TMEM114: variants seen among roughly 807,000 people sequenced by gnomAD.
TMEM114 encodes the protein transmembrane protein 114.
TMEM114 carries 6 observed loss-of-function variants against 6.2 expected under a neutral mutation model. The ratio of observed to expected loss-of-function variants is 0.97; its 90% CI spans 0.53 to 1.91. The LOEUF (loss-of-function observed/expected upper bound fraction) is 1.91. Among genes scored for constraint, TMEM114 ranks in the 40% most tolerant of loss-of-function variants. TMEM114 has a pLI of 0.01. For synonymous variants in TMEM114, 104 were observed against 73.0 expected (o/e 1.42, Z -2.16); for missense variants, 218 against 158.3 (o/e 1.38, Z -2.02).
At chr16:8,582,600 G>A (rs1902187883) in intron 2 of TMEM114, among the ~76,000 whole-genome samples, 2 of 152,188 alleles carry the variant, frequency 1.3e-5, no homozygotes, top group South Asian at 4.1e-4. Flanking sequence ...GAAACAAACT[G>A]CTGAGTAGGC....
At chr16:8,547,048 G>C (rs1465590256) in intron 2 of TMEM114, among the ~76,000 whole-genome samples, 1 of 152,200 alleles carries the variant, frequency 6.6e-6, no homozygotes, top group Non-Finnish European at 1.5e-5. Flanking sequence ...TGTTTATCCA[G>C]TCTGCATATA....
At chr16:8,560,566 G>C (rs1202657888) in intron 2 of TMEM114, among the ~76,000 whole-genome samples, 3 of 152,188 alleles carry the variant, frequency 2.0e-5, no homozygotes, top group East Asian at 1.9e-4. Context: ...GGAAGAAAGG[G>C]AGGGAGGTAG....
intron 2 of TMEM114, among the ~76,000 whole-genome samples, chr16:8,575,203 A>G (rs1397716157): frequency 6.6e-6 from 1 of 152,218 alleles, no homozygotes. Flanking sequence ...ACTTTGGACA[A>G]ATGACTGGAC....
intron 2 of TMEM114, among the ~76,000 whole-genome samples, chr16:8,540,999 G>A (rs772639969): frequency 6.6e-6 from 1 of 152,134 alleles, no homozygotes; most frequent in Non-Finnish European, 1.5e-5. Flanking sequence ...GTCCAGAGTT[G>A]CCAGAGAGAG....
chr16:8,526,623 T>C, the TMEM114 span: 5 of 152,418 alleles, frequency 3.3e-5, no homozygotes, highest in South Asian at 2.0e-4. Flanking sequence ...TCCGCCATGA[T>C]TGTAAGTTTC....
downstream of TMEM114, among the ~76,000 whole-genome samples, chr16:8,566,717 C>T (rs2141678549): frequency 6.6e-6 from 1 of 152,288 alleles, no homozygotes; most frequent in Middle Eastern, 3.4e-3. Context: ...CCCTCTAACA[C>T]AGAAGCTTCT....
At chr16:8,565,266 T>C (rs144712590), downstream of TMEM114, among the ~76,000 whole-genome samples, 871 of 152,290 alleles carry the variant, frequency 5.7e-3, 4 homozygotes, top group Middle Eastern at 0.017. Context: ...AGTGAACTTA[T>C]GAATGAACAA....
chr16:8,563,755 A>C (rs1488176815), intron 2 of TMEM114, among the ~76,000 whole-genome samples: 1 of 117,506 alleles, frequency 8.5e-6, no homozygotes, highest in Admixed American at 8.5e-5. Flanking sequence ...GTCAGTGAAT[A>C]AGTGAGGGAA....
the TMEM114 span, among the ~76,000 whole-genome samples, chr16:8,531,738 C>T: frequency 1.3e-5 from 2 of 152,192 alleles, no homozygotes; most frequent in African/African-American, 2.4e-5. Flanking sequence ...GTTGAATAGT[C>T]TGTGGAATCC....
intron 2 of TMEM114, among the ~76,000 whole-genome samples, chr16:8,577,259 T>C (rs925003570): frequency 6.6e-6 from 1 of 152,224 alleles, no homozygotes; most frequent in African/African-American, 2.4e-5. Flanking sequence ...CCACAGCCCC[T>C]GCAGCTGTGA....
chr16:8,541,122 G>T (rs971475978), intron 2 of TMEM114, among the ~76,000 whole-genome samples: 1 of 152,070 alleles, frequency 6.6e-6, no homozygotes, highest in Non-Finnish European at 1.5e-5. Flanking sequence ...ATCATATATT[G>T]AACTCTTGCT....
intron 2 of TMEM114, among the ~76,000 whole-genome samples, chr16:8,587,715 G>A (rs1397786185): frequency 1.3e-5 from 2 of 152,200 alleles, no homozygotes; most frequent in African/African-American, 4.8e-5. Context: ...AACTGCTCAT[G>A]CCTATAATCT....
chr16:8,587,955 C>G (rs1902365724), intron 2 of TMEM114, among the ~76,000 whole-genome samples: 1 of 151,704 alleles, frequency 6.6e-6, no homozygotes, highest in Non-Finnish European at 1.5e-5. Context: ...TCAAGACCAG[C>G]CTGGGAAACA....
intron 2 of TMEM114, among the ~76,000 whole-genome samples, chr16:8,551,162 T>G (rs576856884): frequency 6.6e-6 from 1 of 152,328 alleles, no homozygotes; most frequent in South Asian, 2.1e-4. Flanking sequence ...CCTAGAATTC[T>G]GGTTTTTACC....
At chr16:8,570,899 C>T (rs1567206695) in intron 3 of TMEM114, among the ~76,000 whole-genome samples, 1 of 152,154 alleles carries the variant, frequency 6.6e-6, no homozygotes, top group Non-Finnish European at 1.5e-5. Context: ...TTGCAGCTCC[C>T]GATGCTCGGC....
intron 2 of TMEM114, among the ~76,000 whole-genome samples, chr16:8,554,337 C>T (rs1406968324): frequency 2.6e-5 from 4 of 152,086 alleles, no homozygotes; most frequent in Non-Finnish European, 4.4e-5. Flanking sequence ...AGGAGCATCG[C>T]TTGAGACCAG....
At chr16:8,561,903 A>T (rs1052509984) in intron 2 of TMEM114, among the ~76,000 whole-genome samples, 3 of 74,840 alleles carry the variant, frequency 4.0e-5, no homozygotes, top group Non-Finnish European at 8.2e-5. Context: ...TGAGTAAATG[A>T]GTGAATGAAT....
intron 2 of TMEM114, among the ~76,000 whole-genome samples, chr16:8,578,111 G>C (rs1248245479): frequency 6.6e-6 from 1 of 152,132 alleles, no homozygotes; most frequent in African/African-American, 2.4e-5. Context: ...TAAGTGTGAG[G>C]ATGCAGAAAA....
At chr16:8,563,209 G>C (rs201797004) in intron 2 of TMEM114, among the ~76,000 whole-genome samples, 2 of 151,390 alleles carry the variant, frequency 1.3e-5, no homozygotes, top group African/African-American at 2.4e-5. Context: ...GAGTGAATGA[G>C]TGAGCAAATA....
Sources: allele counts gnomAD v4.1 joint callset (sites outside exome capture counted in the v4.1 genomes callset), GRCh38; gene constraint gnomAD v4.1.1; transcripts MANE v1.5; gene names NCBI Gene and HGNC (gene_info 2026-07-23, HGNC 2026-07-21).